Variants in CYP4V2 observed in about 807,000 individuals in gnomAD.
The protein encoded by CYP4V2 is cytochrome P450 4V2.
A neutral mutation model predicts 60.8 loss-of-function variants in CYP4V2; 55 were observed. That is an observed-to-expected ratio of 0.90 (90% CI 0.73 to 1.13). The LOEUF (loss-of-function observed/expected upper bound fraction) is 1.13, where lower values mean the gene tolerates loss of function less well. Ranked by LOEUF, CYP4V2 falls within the 50% of genes most tolerant of loss-of-function variation. The pLI, the probability that CYP4V2 is intolerant of heterozygous loss-of-function variation, is 0.00. For synonymous variants in CYP4V2, 239 were observed against 236.8 expected, an observed-to-expected ratio of 1.01 and a Z score of -0.08; for missense variants, 675 against 662.9, an observed-to-expected ratio of 1.02 and a Z score of -0.20.
At chr4:186,199,906 A>G (rs1003045557) in intron 6 of CYP4V2, among the ~76,000 whole-genome samples, 1 of 152,198 alleles carries the variant, frequency 6.6e-6, no homozygotes, top group Non-Finnish European at 1.5e-5. Flanking sequence ...GTTAAAATCT[A>G]TTGGAGTTAT....
chr4:186,194,665 A>AT, intron 2 of CYP4V2, 53 bp downstream of exon 2: 2 of 1,476,626 alleles, frequency 1.4e-6, no homozygotes, highest in Non-Finnish European at 1.9e-6. Context: ...ACAGTGTGAG[A>AT]ATCTCACCAG....
Position 186,210,647 on chromosome 4 carries a change from T to G in CYP4V2, c.*6T>G. On this transcript the variant is annotated 3_prime_UTR_variant, in exon 11 of 11. Transcript: ENST00000378802. Reference sequence around the variant, plus strand: ...GAAATGCAGATGAACGCTAACTATATTATTGGGTTGTGCCTTTATCATGAG... The same window carrying G: ...GAAATGCAGATGAACGCTAACTATAGTATTGGGTTGTGCCTTTATCATGAG... 6.2e-7 allele frequency: 1 copy of G among 1,614,042 alleles called. No individual in the cohort carries two copies.
rs998193251 is a variant in CYP4V2, at chr4:186,195,029, A to G, written c.327+417A>G. On this transcript the variant is annotated intron_variant, in intron 2 of 10. Coordinates refer to ENST00000378802, the MANE Select transcript of CYP4V2 (RefSeq NM_207352.4). The surrounding 1 kb of genome is among the most constrained non-coding windows in gnomAD (Gnocchi z 4.1). ...AAACTTAGTCCAAATTTAAAAGACA[A>G]TGCAAATTTGATATTTATGGGATAA... Among the ~76,000 whole-genome samples the G allele has an allele frequency of 2.3e-4, 35 of 152,242 alleles. No homozygotes were observed. Among genetic ancestry groups the G allele is most frequent in the African/African-American group, 8.4e-4 (35 of 41,458 alleles).
At chr4:186,207,291 C>T (rs1029172533) in intron 8 of CYP4V2, among the ~76,000 whole-genome samples, 1 of 151,494 alleles carries the variant, frequency 6.6e-6, no homozygotes, top group African/African-American at 2.4e-5. Flanking sequence ...TGCCTGTAGT[C>T]CCAGCTACTC....
chr4:186,201,539 G>C, intron 7 of CYP4V2, 197 bp downstream of exon 7: 1 of 590,872 alleles, frequency 1.7e-6, no homozygotes, highest in Non-Finnish European at 2.9e-6. Flanking sequence ...ATTTTGACTA[G>C]TGCTGGGCAC....
At chr4:186,196,886 TTCTC>T (rs35200327) in intron 3 of CYP4V2, 50 bp from the exon 4 acceptor site, 106 of 1,509,850 alleles carry the variant, frequency 7.0e-5, no homozygotes, top group African/African-American at 1.5e-4. Context: ...ACTTTTCTCT[TTCTC>T]TCTCTCTCTC....
At chr4:186,205,399 C>T in intron 8 of CYP4V2, 97 bp downstream of exon 8, 3 of 1,173,900 alleles carry the variant, frequency 2.6e-6, no homozygotes, top group Non-Finnish European at 3.8e-6. Context: ...GGAAGGCTCC[C>T]CCACGGGATC....
chr4:186,192,521 G>A (rs887330104), intron 1 of CYP4V2, among the ~76,000 whole-genome samples: 1 of 152,134 alleles, frequency 6.6e-6, no homozygotes, highest in Non-Finnish European at 1.5e-5. Flanking sequence ...TTCAGTTCCC[G>A]CTTGACCTTC....
At chr4:186,197,290 C>G in intron 4 of CYP4V2, 160 bp downstream of exon 4, 1 of 962,238 alleles carries the variant, frequency 1.0e-6, no homozygotes, top group Non-Finnish European at 1.6e-6. Flanking sequence ...GAGCAGCAGC[C>G]ACGCCCAGGG....
At chr4:186,207,532 A>T (rs1019512576) in intron 8 of CYP4V2, among the ~76,000 whole-genome samples, 14 of 147,788 alleles carry the variant, frequency 9.5e-5, no homozygotes, top group African/African-American at 3.2e-4. Context: ...TATATTAAAA[A>T]TTATATAATA....
Position 186,196,823 on chromosome 4 carries a change from T to C in CYP4V2, c.414-117T>C. On this transcript the variant is annotated intron_variant, in intron 3 of 10. Transcript: ENST00000378802. ...TTGAGAACCTGTAGATGAAGCTGTT[T>C]CAGGAGAATTTTGTTGACTTGCTAT... is the stretch of plus-strand genomic sequence containing the variant. 3 of 999,014 alleles carry C rather than the reference T, an allele frequency of 3.0e-6. No homozygotes were observed. In the Admixed American group the frequency reaches 7.2e-5, roughly 24 times the overall value. 61.9% of individuals were successfully genotyped at this position (999,014 alleles called of 1,614,324 possible).
Position 186,205,163 on chromosome 4 carries a change from ACT to A in CYP4V2, c.988-34_988-33del, listed in dbSNP as rs758324342. 1.1e-4 allele frequency: 168 copies of A among 1,597,968 alleles called. 8 individuals are homozygous for A. The South Asian group carries it at 1.8e-3, about 17-fold the overall frequency. ...GGTCACTCCTAATCATCGCAGCATAACTCTGCTTTTTAAGCTATTGTTTTCTG... is the reference window on the plus strand; with the variant it reads ...GGTCACTCCTAATCATCGCAGCATAACTGCTTTTTAAGCTATTGTTTTCTG... On this transcript the variant is annotated intron_variant, in intron 7 of 10. Coordinates refer to ENST00000378802, the MANE Select transcript of CYP4V2 (RefSeq NM_207352.4).
chr4:186,192,127 T>G, intron 1 of CYP4V2, 90 bp downstream of exon 1: 11 of 1,457,184 alleles, frequency 7.5e-6, no homozygotes, highest in Non-Finnish European at 9.3e-6. Flanking sequence ...CTTGTGGCGC[T>G]GGCCGCAGGA....
At chr4:186,194,062 A>C (rs186955909) in intron 1 of CYP4V2, among the ~76,000 whole-genome samples, 17 of 152,242 alleles carry the variant, frequency 1.1e-4, no homozygotes, top group Admixed American at 1.0e-3. Flanking sequence ...TGGTGATTTC[A>C]CCCAGCTCCC....
chr4:186,209,069 A>C (rs1239073264), intron 9 of CYP4V2, 24 bp from the exon 10 acceptor site: 1 of 1,614,142 alleles, frequency 6.2e-7, no homozygotes. Flanking sequence ...CCGGTCTCAT[A>C]ATGTATTGAC....
chr4:186,192,508 T>C, intron 1 of CYP4V2: 1 of 315,628 alleles, frequency 3.2e-6, no homozygotes, highest in South Asian at 2.8e-5. Context: ...ACTTGACTGC[T>C]GCTTCAGTTC....
rs572888415 is a variant in CYP4V2, at chr4:186,208,292, G to A, written c.1091-573G>A. Among the ~76,000 whole-genome samples, 26 of 151,178 alleles carry A rather than the reference G, an allele frequency of 1.7e-4. No homozygotes were observed. In the South Asian group the frequency reaches 5.1e-3, roughly 29 times the overall value. ...TAGCATCCCCTGCCTTGATCCACGT[G>A]TTCTTCTTTGAAGGGTATTTGATGG... is the stretch of plus-strand genomic sequence containing the variant. On this transcript the variant is annotated intron_variant, in intron 8 of 10. Coordinates refer to ENST00000378802, the MANE Select transcript of CYP4V2 (RefSeq NM_207352.4).
At position 186,197,052 on chromosome 4, in the gene CYP4V2, A is replaced by T; in HGVS notation, c.526A>T (p.Lys176Ter). 1.2e-6 allele frequency: 2 copies of T among 1,613,732 alleles called. No individual in the cohort carries two copies. Among genetic ancestry groups the T allele is most frequent in the Non-Finnish European group, 1.7e-6 (2 of 1,179,962 alleles). The change falls in exon 4 of 11, where the codon AAA (lysine) becomes TAA (stop). Residue 176 changes from lysine (K) to a stop codon, truncating the protein, a stop_gained. Transcript: ENST00000378802. LOFTEE classifies it high-confidence loss of function. ...MNEQANILVK[K>*]LEKHINQEAF... ...TGAACAAGCAAATATATTGGTTAAG[A>T]AACTTGAAAAACACATTAACCAAGA...
intron 5 of CYP4V2, among the ~76,000 whole-genome samples, chr4:186,198,081 A>G (rs1442584346): frequency 6.6e-6 from 1 of 152,234 alleles, no homozygotes; most frequent in Non-Finnish European, 1.5e-5. Context: ...TCATCGAAAC[A>G]GTCAATTTTA....
Sources: gnomAD v4.1 joint callset for allele counts (sites outside exome capture counted in the v4.1 genomes callset) on GRCh38, gnomAD v4.1.1 for gene constraint, Gnocchi (gnomAD v3.1) non-coding constraint, MANE v1.5 for transcripts, NCBI Gene and HGNC (gene_info 2026-07-23, HGNC 2026-07-21) for gene names.